PRUNE2: variants seen among roughly 807,000 people sequenced by gnomAD.
The protein encoded by PRUNE2 is protein prune homolog 2.
A neutral mutation model predicts 252.0 loss-of-function variants in PRUNE2; 164 were observed. The ratio of observed to expected loss-of-function variants is 0.65; its 90% CI spans 0.57 to 0.74. The LOEUF is 0.74. Ranked by LOEUF, PRUNE2 falls within the 30% of genes least tolerant of loss-of-function variation. PRUNE2 has a pLI of 0.00. For missense variants in PRUNE2, 3,495 were observed against 3,711.0 expected, an observed-to-expected ratio of 0.94 and a Z score of 1.51; for synonymous variants, 1,292 against 1,350.2, an observed-to-expected ratio of 0.96 and a Z score of 0.94.
intron 6 of PRUNE2, among the ~76,000 whole-genome samples, chr9:76,771,325 A>G (rs2053078844): frequency 6.6e-6 from 1 of 152,202 alleles, no homozygotes; most frequent in African/African-American, 2.4e-5. Flanking sequence ...TACAATAACA[A>G]AATGAAAACG....
chr9:76,719,541 T>A (rs1203077791), intron 6 of PRUNE2, among the ~76,000 whole-genome samples: 1 of 152,120 alleles, frequency 6.6e-6, no homozygotes, highest in Non-Finnish European at 1.5e-5. Context: ...ATCCTAGCAC[T>A]TTGGGAGGCC....
chr9:76,880,703 G>A (rs1024254357), intron 1 of PRUNE2, among the ~76,000 whole-genome samples: 2 of 152,158 alleles, frequency 1.3e-5, no homozygotes, highest in Non-Finnish European at 2.9e-5. Context: ...TTTTGAAGAC[G>A]AAGCATTATC....
At chr9:76,780,639 T>C (rs1226423495) in intron 6 of PRUNE2, among the ~76,000 whole-genome samples, 5 of 152,084 alleles carry the variant, frequency 3.3e-5, no homozygotes, top group South Asian at 2.1e-4. Context: ...TGCAGTGAGC[T>C]GAGATCGCCC....
At chr9:76,675,808 C>T (rs930039262) in intron 9 of PRUNE2, among the ~76,000 whole-genome samples, 12 of 127,978 alleles carry the variant, frequency 9.4e-5, no homozygotes, top group South Asian at 6.0e-4. Context: ...AGTAAACTAT[C>T]GCAAGAACAA....
rs778454501 is a variant in PRUNE2 at position 76,708,664 on chromosome 9, G to A, written c.3610C>T (p.His1204Tyr). The change falls in exon 8 of 19, where the codon CAT (histidine) becomes TAT (tyrosine). Residue 1204 changes from histidine to tyrosine, a missense_variant. Physicochemically the swap from His to Tyr is moderately conservative, Grantham distance 83. Transcript: ENST00000376718. Reference sequence around the variant, plus strand: ...CCACTTTTCTCATTCAATGTGTGATGTTCACTGGGAGCACTGTCCTTGGTA... The same window carrying A: ...CCACTTTTCTCATTCAATGTGTGATATTCACTGGGAGCACTGTCCTTGGTA... Reference protein sequence around the residue: ...EHTKDSAPSEHHTLNEKSGQL... With the variant: ...EHTKDSAPSEYHTLNEKSGQL... The A allele has an allele frequency of 6.2e-7, 1 of 1,613,958 alleles. No homozygotes were observed. The highest frequency in any genetic ancestry group is 8.5e-7 in the Non-Finnish European group (1 of 1,179,898).
chr9:76,719,781 G>A (rs569534590), intron 6 of PRUNE2, among the ~76,000 whole-genome samples: 2 of 152,020 alleles, frequency 1.3e-5, no homozygotes, highest in Non-Finnish European at 2.9e-5. Flanking sequence ...CTAGTAGCCG[G>A]GAATACAGGC....
chr9:76,615,019 G>A, intron 18 of PRUNE2: 1 of 803,946 alleles, frequency 1.2e-6, no homozygotes, highest in Non-Finnish European at 1.5e-6. Context: ...GCACTAAATA[G>A]TAAGAAATGG....
intron 6 of PRUNE2, among the ~76,000 whole-genome samples, chr9:76,781,908 GA>G (rs1222351907): frequency 6.6e-6 from 1 of 152,128 alleles, no homozygotes; most frequent in African/African-American, 2.4e-5. Context: ...GGTAATCAGA[GA>G]CATAGAAAGC....
At chr9:76,777,809 T>C (rs2053962807) in intron 6 of PRUNE2, among the ~76,000 whole-genome samples, 1 of 152,176 alleles carries the variant, frequency 6.6e-6, no homozygotes, top group South Asian at 2.1e-4. Context: ...GATGTCACCA[T>C]TTACATGACA....
chr9:76,816,360 C>T (rs1177523792), intron 6 of PRUNE2, among the ~76,000 whole-genome samples: 2 of 152,036 alleles, frequency 1.3e-5, no homozygotes, highest in Non-Finnish European at 2.9e-5. Flanking sequence ...ATTCTTTACA[C>T]AGGGATTTTT....
intron 9 of PRUNE2, among the ~76,000 whole-genome samples, chr9:76,681,450 T>TAAAAAAA: frequency 7.5e-6 from 1 of 132,842 alleles, no homozygotes; most frequent in Non-Finnish European, 1.6e-5. Context: ...TTACCACGAT[T>TAAAAAAA]AAAAAAAAAA....
At chr9:76,851,559 A>AC (rs1342977942) in intron 2 of PRUNE2, among the ~76,000 whole-genome samples, 20 of 137,774 alleles carry the variant, frequency 1.5e-4, no homozygotes, top group African/African-American at 5.7e-4. Context: ...GAAAAAAAAA[A>AC]AACACACACA....
intron 1 of PRUNE2, among the ~76,000 whole-genome samples, chr9:76,876,371 G>A (rs138707224): frequency 6.6e-6 from 1 of 152,180 alleles, no homozygotes. Context: ...TAGAGGCACT[G>A]AGGGTTCCTC....
At chr9:76,745,611 C>A (rs992056514) in intron 6 of PRUNE2, among the ~76,000 whole-genome samples, 4 of 152,162 alleles carry the variant, frequency 2.6e-5, no homozygotes, top group African/African-American at 9.7e-5. Context: ...AGTACCTCCC[C>A]CTTCCCCCAA....
chr9:76,807,063 T>C (rs1181309791), intron 6 of PRUNE2, among the ~76,000 whole-genome samples: 13 of 136,168 alleles, frequency 9.5e-5, no homozygotes, highest in East Asian at 4.4e-4. Flanking sequence ...CGCGCGCGCG[T>C]GTGTCTGTCT....
Position 76,706,694 on chromosome 9 carries a change from T to A in PRUNE2, c.5580A>T (p.Ser1860=). 6.2e-7 allele frequency: 1 copy of A among 1,613,602 alleles called. No individual in the cohort carries two copies. Among genetic ancestry groups the A allele is most frequent in the South Asian group, 1.1e-5 (1 of 90,998 alleles). The part of the protein sequence containing the change: ...DSSGVLEINS[S]VHQNASPWGV... ...CCCAGGGACTGGCATTTTGGTGTACTGAAGAATTTATCTCCAACACACCAC... is the reference window on the plus strand; with the variant it reads ...CCCAGGGACTGGCATTTTGGTGTACAGAAGAATTTATCTCCAACACACCAC... The change falls in exon 8 of 19, where the codon TCA becomes TCT. Residue 1860 remains serine, a synonymous_variant. Transcript: ENST00000376718.
At chr9:76,855,171 CCTT>C (rs2060189042) in intron 1 of PRUNE2, among the ~76,000 whole-genome samples, 1 of 150,056 alleles carries the variant, frequency 6.7e-6, no homozygotes, top group South Asian at 2.1e-4. Context: ...TTTGAAAATT[CCTT>C]TGTGGAAGGC....
intron 6 of PRUNE2, among the ~76,000 whole-genome samples, chr9:76,776,820 G>GT (rs200859225): frequency 0.072 from 9,320 of 128,930 alleles, 965 homozygotes; most frequent in African/African-American, 0.21. Context: ...CCAGCCAGCA[G>GT]TTTTTTTTTT....
At chr9:76,880,065 C>T (rs1262968428) in intron 1 of PRUNE2, among the ~76,000 whole-genome samples, 3 of 151,492 alleles carry the variant, frequency 2.0e-5, no homozygotes, top group South Asian at 2.1e-4. Context: ...AGGCACGCGC[C>T]ACCACGCCCG....
Sources: allele counts gnomAD v4.1 joint callset (sites outside exome capture counted in the v4.1 genomes callset), GRCh38; gene constraint gnomAD v4.1.1; transcripts MANE v1.5; gene names NCBI Gene and HGNC (gene_info 2026-07-23, HGNC 2026-07-21).